Variants in SLC35F3 observed in about 807,000 individuals in gnomAD.
SLC35F3 encodes putative thiamine transporter SLC35F3.
Under a neutral mutation model 49.9 loss-of-function variants are expected in SLC35F3, and 25 were observed. The observed-to-expected ratio is 0.50, with a 90% CI of 0.37 to 0.70. SLC35F3 has a LOEUF of 0.70. Among genes scored for constraint, SLC35F3 ranks in the 30% least tolerant of loss-of-function variants. SLC35F3 has a pLI of 0.00. For missense variants in SLC35F3, 525 were observed against 639.8 expected (o/e 0.82, Z 1.94); for synonymous variants, 275 against 265.4 (o/e 1.04, Z -0.35).
intron 2 of SLC35F3, among the ~76,000 whole-genome samples, chr1:234,009,070 C>G (rs909081207): frequency 6.6e-6 from 1 of 152,158 alleles, no homozygotes; most frequent in Non-Finnish European, 1.5e-5. Flanking sequence ...TTGAATGTTG[C>G]TAAATATCAG....
intron 2 of SLC35F3, among the ~76,000 whole-genome samples, chr1:233,913,324 T>C (rs1402429748): frequency 6.6e-6 from 1 of 152,136 alleles, no homozygotes; most frequent in East Asian, 1.9e-4. Context: ...ACAGTACCAG[T>C]CATCTGATGC....
At chr1:234,210,484 T>G (rs1018002588) in intron 2 of SLC35F3, among the ~76,000 whole-genome samples, 1 of 152,182 alleles carries the variant, frequency 6.6e-6, no homozygotes, top group Non-Finnish European at 1.5e-5. Context: ...CCCAAAATGC[T>G]GATAGCAATA....
At position 233,957,964 on chromosome 1, in the gene SLC35F3, A is replaced by C. The variant is rs754903373; in HGVS notation, c.283+52206A>C. Among the ~76,000 whole-genome samples, 6 of 152,176 alleles carry C rather than the reference A, an allele frequency of 3.9e-5. No individual in the cohort carries two copies. The highest frequency in any genetic ancestry group is 7.3e-5 in the Non-Finnish European group (5 of 68,034). ...TAGGGTTCAACTTTGCTGAGGCTTA[A>C]CTAGGACTTGATGACTAGACCGCTT... is the stretch of plus-strand genomic sequence containing the variant. On this transcript the variant is annotated intron_variant, in intron 2 of 7. Coordinates refer to ENST00000366618, the MANE Select transcript of SLC35F3 (RefSeq NM_173508.4). The surrounding 1 kb of genome is among the most constrained non-coding windows in gnomAD (Gnocchi z 4.0).
At chr1:234,155,792 A>AAAC (rs1553310215) in intron 2 of SLC35F3, among the ~76,000 whole-genome samples, 2 of 150,868 alleles carry the variant, frequency 1.3e-5, no homozygotes, top group African/African-American at 4.9e-5. Flanking sequence ...CAAAAAAAAA[A>AAAC]CCCCAAAAAC....
In SLC35F3 at chr1:234,130,945, T is replaced by A. The variant is rs1047502993; in HGVS notation, c.284-100472T>A. On this transcript the variant is annotated intron_variant, in intron 2 of 7. Transcript: ENST00000366618. The stretch of plus-strand genomic sequence containing the variant: ...GTGACAATAGAATGGATAAAAAAAA[T>A]TTATATATTCAGACACAGGAATACT... 1.5e-4 allele frequency among the ~76,000 whole-genome samples: 9 copies of A among 61,282 alleles called. No individual in the cohort carries two copies. In the South Asian group the frequency reaches 2.6e-3, roughly 18 times the overall value. 40.2% of individuals were successfully genotyped at this position (61,282 alleles called of 152,430 possible).
At chr1:234,257,681 C>G (rs1412838467) in intron 3 of SLC35F3, among the ~76,000 whole-genome samples, 1 of 152,004 alleles carries the variant, frequency 6.6e-6, no homozygotes, top group Non-Finnish European at 1.5e-5. Context: ...ACAGAGACTG[C>G]AATAAGAAAG....
intron 2 of SLC35F3, among the ~76,000 whole-genome samples, chr1:234,195,916 G>A (rs774759238): frequency 2.0e-5 from 3 of 152,150 alleles, no homozygotes; most frequent in Non-Finnish European, 4.4e-5. Flanking sequence ...CACCATGTAA[G>A]ACATGCCTTT....
intron 3 of SLC35F3, among the ~76,000 whole-genome samples, chr1:234,299,039 A>G (rs1668650055): frequency 1.3e-5 from 2 of 152,204 alleles, no homozygotes; most frequent in Non-Finnish European, 2.9e-5. Context: ...TACAGCATTC[A>G]TTAGGCTGGG....
chr1:233,968,583 G>T (rs1662939385), intron 2 of SLC35F3, among the ~76,000 whole-genome samples: 1 of 151,924 alleles, frequency 6.6e-6, no homozygotes, highest in African/African-American at 2.4e-5. Context: ...TGTCTCCTGG[G>T]TTCAAGTGAT....
At chr1:234,247,027 C>A (rs1667642709) in intron 3 of SLC35F3, among the ~76,000 whole-genome samples, 1 of 152,192 alleles carries the variant, frequency 6.6e-6, no homozygotes, top group Non-Finnish European at 1.5e-5. Context: ...AGTTCAAGAC[C>A]CAGTTACCAG....
chr1:233,927,680 A>T (rs530881550), intron 2 of SLC35F3, among the ~76,000 whole-genome samples: 1 of 152,258 alleles, frequency 6.6e-6, no homozygotes, highest in African/African-American at 2.4e-5. Flanking sequence ...ACAGAAAATT[A>T]AATAACTGAA....
chr1:233,918,739 C>G (rs1662010401), intron 2 of SLC35F3, among the ~76,000 whole-genome samples: 1 of 152,020 alleles, frequency 6.6e-6, no homozygotes, highest in African/African-American at 2.4e-5. Flanking sequence ...GCACTCCAGC[C>G]TGGGTGACAA....
chr1:234,013,225 G>C (rs753500443), intron 2 of SLC35F3, among the ~76,000 whole-genome samples: 2 of 152,070 alleles, frequency 1.3e-5, no homozygotes, highest in Non-Finnish European at 2.9e-5. Context: ...CAACATGCTC[G>C]TGAACAACCA....
chr1:233,975,488 G>C (rs889307998), intron 2 of SLC35F3, among the ~76,000 whole-genome samples: 3 of 152,244 alleles, frequency 2.0e-5, no homozygotes, highest in Admixed American at 2.0e-4. Flanking sequence ...GATTGTGTTT[G>C]GGGGGAGAAT....
intron 2 of SLC35F3, among the ~76,000 whole-genome samples, chr1:234,198,989 C>A (rs1401129798): frequency 6.7e-6 from 1 of 149,332 alleles, no homozygotes; most frequent in East Asian, 2.0e-4. Context: ...GAGACCAAGG[C>A]AGAAGGATAC....
intron 2 of SLC35F3, among the ~76,000 whole-genome samples, chr1:234,198,723 G>A (rs745605886): frequency 1.1e-4 from 17 of 152,202 alleles, no homozygotes; most frequent in South Asian, 4.1e-4. Context: ...AGTCAAGATC[G>A]TTAACATGCC....
chr1:234,180,441 G>C (rs1407424012), intron 2 of SLC35F3, among the ~76,000 whole-genome samples: 3 of 152,158 alleles, frequency 2.0e-5, no homozygotes, highest in Non-Finnish European at 4.4e-5. Context: ...ATGCAGCTGA[G>C]AGCACACTCC....
chr1:233,952,205 A>G (rs1217827759), intron 2 of SLC35F3, among the ~76,000 whole-genome samples: 2 of 151,670 alleles, frequency 1.3e-5, no homozygotes, highest in Non-Finnish European at 2.9e-5. Flanking sequence ...TTCCTACTTC[A>G]TTATGCTTTG....
intron 2 of SLC35F3, among the ~76,000 whole-genome samples, chr1:233,924,590 G>C (rs1029640295): frequency 5.9e-5 from 9 of 152,110 alleles, no homozygotes; most frequent in Non-Finnish European, 1.0e-4. Flanking sequence ...CCAGCTGTTG[G>C]GTTCATTGAT....
Sources: allele counts gnomAD v4.1 joint callset (sites outside exome capture counted in the v4.1 genomes callset), GRCh38; gene constraint gnomAD v4.1.1; non-coding constraint Gnocchi (gnomAD v3.1); transcripts MANE v1.5; gene names NCBI Gene and HGNC (gene_info 2026-07-23, HGNC 2026-07-21).